Variants in BABAM2 observed in about 807,000 individuals in gnomAD.
BABAM2 encodes the protein BRISC and BRCA1-A complex member 2.
A neutral mutation model predicts 54.7 loss-of-function variants in BABAM2; 31 were observed. The observed-to-expected ratio is 0.57, with a 90% CI of 0.43 to 0.77. The LOEUF (loss-of-function observed/expected upper bound fraction) is 0.77, where lower values mean the gene tolerates loss of function less well. Among genes scored for constraint, BABAM2 ranks in the 30% least tolerant of loss-of-function variants. The probability of loss-of-function intolerance (pLI) is 0.00; values close to 1 mark genes in which losing one functional copy is unlikely to be tolerated. For synonymous variants in BABAM2, 167 were observed against 162.9 expected, an observed-to-expected ratio of 1.03 and a Z score of -0.19; for missense variants, 364 against 455.8, an observed-to-expected ratio of 0.80 and a Z score of 1.83.
chr2:28,302,597 C>T (rs1688195509), intron 11 of BABAM2, among the ~76,000 whole-genome samples: 1 of 151,946 alleles, frequency 6.6e-6, no homozygotes, highest in Admixed American at 6.6e-5. Flanking sequence ...ATGTGTTTTC[C>T]TTTCTTCAGG....
chr2:28,284,395 TAA>T (rs1243975174), intron 10 of BABAM2, among the ~76,000 whole-genome samples: 4 of 137,918 alleles, frequency 2.9e-5, no homozygotes, highest in African/African-American at 2.7e-5. Context: ...TGTGGGTCTT[TAA>T]AAAAAAAAAA....
At chr2:27,890,553 GGGCCCTCCTGATAT>G (rs997077066), upstream of BABAM2, 2 of 565,562 alleles carry the variant, frequency 3.5e-6, no homozygotes, top group Non-Finnish European at 6.3e-6. This position sits in a 1 kb window ranked among gnomAD's most constrained non-coding sequence, Gnocchi z 4.8. Flanking sequence ...TCACGTAACA[GGGCCCTCCTGATAT>G]GGCGAGACTC....
intron 6 of BABAM2, among the ~76,000 whole-genome samples, chr2:28,102,903 A>G (rs146464508): frequency 6.6e-6 from 1 of 152,204 alleles, no homozygotes; most frequent in African/African-American, 2.4e-5. Context: ...ATAAGTTCCT[A>G]TGTTAAAATA....
At position 28,242,128 on chromosome 2, in the gene BABAM2, G is replaced by A. The variant is rs115071811; in HGVS notation, c.851+735G>A. On this transcript the variant is annotated intron_variant, in intron 9 of 11. Coordinates refer to ENST00000379624, the MANE Select transcript of BABAM2 (RefSeq NM_199191.3). The stretch of plus-strand genomic sequence containing the variant: ...AGTTCAGTAACCCAATGGAAGTCGC[G>A]CCCCTAGAAGAAGTGGAGCCAGGGC... 9.2e-3 allele frequency among the ~76,000 whole-genome samples: 1,404 copies of A among 152,178 alleles called. 20 individuals carry two copies. Among genetic ancestry groups the A allele is most frequent in the African/African-American group, 0.031 (1,279 of 41,500 alleles).
intron 6 of BABAM2, among the ~76,000 whole-genome samples, chr2:28,059,997 C>T (rs1678732589): frequency 2.0e-5 from 3 of 152,210 alleles, no homozygotes; most frequent in Middle Eastern, 6.8e-3. Context: ...CTAACTTGTT[C>T]TGTGAGGACA....
In BABAM2 at chr2:27,912,522, A is replaced by G. The variant is rs1573148816; in HGVS notation, c.129-17310A>G. On this transcript the variant is annotated intron_variant, in intron 2 of 11. Coordinates refer to ENST00000379624, the MANE Select transcript of BABAM2 (RefSeq NM_199191.3). ...AAATTAAAAGAGTATGTAAGTCAGAAAAGGATTCTGAGAACCAATATAGTT... is the reference window on the plus strand; with the variant it reads ...AAATTAAAAGAGTATGTAAGTCAGAGAAGGATTCTGAGAACCAATATAGTT... Among the ~76,000 whole-genome samples, 3 of 152,224 alleles carry G rather than the reference A, an allele frequency of 2.0e-5. No individual in the cohort carries two copies. The East Asian group carries it at 5.8e-4, about 29-fold the overall frequency.
intron 2 of BABAM2, among the ~76,000 whole-genome samples, chr2:27,921,180 T>C (rs1247305912): frequency 6.6e-6 from 1 of 152,172 alleles, no homozygotes; most frequent in Non-Finnish European, 1.5e-5. Flanking sequence ...GTCATCATTG[T>C]AGAGTCTGTG....
chr2:28,061,363 A>G lies in BABAM2; in HGVS notation c.570+15564A>G, dbSNP rs370938828. 1.2e-4 allele frequency among the ~76,000 whole-genome samples: 18 copies of G among 151,952 alleles called. 1 individual carries two copies. The highest frequency in any genetic ancestry group is 4.3e-4 in the African/African-American group (18 of 41,474). ...CACTTTGAGAGGCCGAGGCGGGCAG[A>G]TCACGAGGTCAGGAGATAGCGACCA... On this transcript the variant is annotated intron_variant, in intron 6 of 11. Coordinates refer to ENST00000379624, the MANE Select transcript of BABAM2 (RefSeq NM_199191.3).
chr2:28,139,985 AAAACAGAGTTTATTACTTTTCCTTGTAAT>A (rs1421490539), intron 7 of BABAM2, among the ~76,000 whole-genome samples: 24 of 151,914 alleles, frequency 1.6e-4, no homozygotes, highest in Non-Finnish European at 2.6e-4. Context: ...CTCTTGCTTA[AAAACAGAGTTTATTACTTTTCCTTGTAAT>A]AAACAGAGTT....
chr2:27,914,341 A>C (rs577947704), intron 2 of BABAM2, among the ~76,000 whole-genome samples: 2 of 152,182 alleles, frequency 1.3e-5, no homozygotes, highest in Non-Finnish European at 2.9e-5. Flanking sequence ...AACAAGCTTA[A>C]TTGATCCTGC....
intron 6 of BABAM2, among the ~76,000 whole-genome samples, chr2:28,127,726 A>T (rs1007015197): frequency 6.6e-6 from 1 of 152,026 alleles, no homozygotes; most frequent in Admixed American, 6.5e-5. Flanking sequence ...CCCAGGATGA[A>T]GGAAAAGAAG....
chr2:27,957,833 G>C (rs1670196497), intron 3 of BABAM2, among the ~76,000 whole-genome samples: 1 of 152,128 alleles, frequency 6.6e-6, no homozygotes. Flanking sequence ...GACTTTCAAG[G>C]CTGGGTCATA....
chr2:28,326,732 T>C (rs113196486), intron 11 of BABAM2, among the ~76,000 whole-genome samples: 2,254 of 152,264 alleles, frequency 0.015, 63 homozygotes, highest in African/African-American at 0.051. Flanking sequence ...TTCTGGGAGC[T>C]TCTGACAGGG....
chr2:27,901,351 A>G lies in BABAM2; in HGVS notation c.128+6667A>G, dbSNP rs746571447. 7.0e-4 allele frequency among the ~76,000 whole-genome samples: 107 copies of G among 152,212 alleles called. 2 individuals are homozygous for G. In the Middle Eastern group the frequency reaches 9.5e-3, roughly 14 times the overall value. On this transcript the variant is annotated intron_variant, in intron 2 of 11. Coordinates refer to ENST00000379624, the MANE Select transcript of BABAM2 (RefSeq NM_199191.3). ...ACAGTGAGGAAAGCAGAGAGGGCTC[A>G]CTGCAACCTGTGGCAGCTGAGCCTC...
chr2:28,089,300 A>G (rs978756770), intron 6 of BABAM2, among the ~76,000 whole-genome samples: 1 of 152,072 alleles, frequency 6.6e-6, no homozygotes, highest in Non-Finnish European at 1.5e-5. Flanking sequence ...AAGAATAACA[A>G]ATATTGCAAT....
intron 11 of BABAM2, 142 bp downstream of exon 11, chr2:28,298,633 C>T: frequency 9.9e-7 from 1 of 1,015,190 alleles, no homozygotes; most frequent in Non-Finnish European, 1.4e-6. Flanking sequence ...CAGCAACACC[C>T]ATTTCTTTAC....
chr2:27,945,867 T>G (rs1669261809), intron 3 of BABAM2, among the ~76,000 whole-genome samples: 1 of 151,526 alleles, frequency 6.6e-6, no homozygotes, highest in Non-Finnish European at 1.5e-5. Context: ...ATATTTAACC[T>G]TGTATGCTGA....
At chr2:27,930,788 T>C (rs1161012030) in intron 3 of BABAM2, among the ~76,000 whole-genome samples, 1 of 152,230 alleles carries the variant, frequency 6.6e-6, no homozygotes, top group Non-Finnish European at 1.5e-5. Flanking sequence ...TTACCAATAC[T>C]GAACCTCTAG....
At chr2:28,199,117 T>C (rs1677969283) in intron 7 of BABAM2, among the ~76,000 whole-genome samples, 1 of 152,250 alleles carries the variant, frequency 6.6e-6, no homozygotes, top group Admixed American at 6.5e-5. Flanking sequence ...GATTCCTTTT[T>C]ATAATGCAGT....
Sources: allele counts gnomAD v4.1 joint callset (sites outside exome capture counted in the v4.1 genomes callset), GRCh38; gene constraint gnomAD v4.1.1; non-coding constraint Gnocchi (gnomAD v3.1); transcripts MANE v1.5; gene names NCBI Gene and HGNC (gene_info 2026-07-23, HGNC 2026-07-21).